Variants in EVC2 observed in about 807,000 individuals in gnomAD.
EVC2 encodes the protein limbin.
A neutral mutation model predicts 149.3 loss-of-function variants in EVC2; 148 were observed. The observed-to-expected ratio is 0.99, with a 90% CI of 0.87 to 1.14. EVC2 has a LOEUF of 1.14. Ranked by LOEUF, EVC2 falls within the 50% of genes most tolerant of loss-of-function variation. EVC2 has a pLI of 0.00. For synonymous variants in EVC2, 776 were observed against 649.9 expected, an observed-to-expected ratio of 1.19 and a Z score of -2.95; for missense variants, 1,854 against 1,627.3, an observed-to-expected ratio of 1.14 and a Z score of -2.40.
At chr4:5,548,174 T>C (rs999606329) in intron 21 of EVC2, among the ~76,000 whole-genome samples, 3 of 152,004 alleles carry the variant, frequency 2.0e-5, no homozygotes, top group African/African-American at 7.2e-5. Flanking sequence ...AGGCTGGTAG[T>C]GTGAGCCAAG....
intron 17 of EVC2, among the ~76,000 whole-genome samples, chr4:5,578,065 A>C (rs1358865379): frequency 6.6e-6 from 1 of 152,204 alleles, no homozygotes; most frequent in African/African-American, 2.4e-5. Flanking sequence ...TCCCACGTTT[A>C]TAATCTGCTG....
rs113251616 is a variant in EVC2 at position 5,666,260 on chromosome 4, T to G, written c.871-611A>C. ...TTGTTCTGCAACCAGAATTCAATCC[T>G]GATTATTGTTTATAGGTTAATCCCA... On this transcript the variant is annotated intron_variant, in intron 7 of 21. Transcript: ENST00000344408. Among the ~76,000 whole-genome samples the G allele has an allele frequency of 7.9e-3, 1,089 of 138,130 alleles. 18 individuals are homozygous for G. Among genetic ancestry groups the G allele is most frequent in the African/African-American group, 0.027 (1,035 of 39,040 alleles). 90.6% of individuals were successfully genotyped at this position (138,130 alleles called of 152,430 possible).
chr4:5,662,514 A>C (rs1345562519), intron 9 of EVC2, among the ~76,000 whole-genome samples: 1 of 141,784 alleles, frequency 7.1e-6, no homozygotes, highest in Non-Finnish European at 1.5e-5. Flanking sequence ...ATTAAATATA[A>C]TATTAATATT....
chr4:5,679,236 C>T lies in EVC2; in HGVS notation c.870+2024G>A, dbSNP rs1206752866. Among the ~76,000 whole-genome samples the T allele has an allele frequency of 6.6e-6, 1 of 151,780 alleles. No homozygotes were observed. Among genetic ancestry groups the T allele is most frequent in the Admixed American group, 6.6e-5 (1 of 15,214 alleles). On this transcript the variant is annotated intron_variant, in intron 7 of 21. Transcript: ENST00000344408. This position sits in a 1 kb window ranked among gnomAD's most constrained non-coding sequence, Gnocchi z 5.1. ...AACACTGTACCCTTAGGCTACACTACATTTATTTATTTATGTTGAGACAGA... is the reference window on the plus strand; with the variant it reads ...AACACTGTACCCTTAGGCTACACTATATTTATTTATTTATGTTGAGACAGA...
intron 7 of EVC2, among the ~76,000 whole-genome samples, chr4:5,666,084 G>T (rs1249520854): frequency 6.6e-6 from 1 of 152,112 alleles, no homozygotes; most frequent in Non-Finnish European, 1.5e-5. Flanking sequence ...ATTAACTTTA[G>T]ATTAAATAAT....
intron 9 of EVC2, among the ~76,000 whole-genome samples, chr4:5,652,619 C>G (rs1718227118): frequency 6.6e-6 from 1 of 152,172 alleles, no homozygotes; most frequent in African/African-American, 2.4e-5. Context: ...GGGCTTGGAG[C>G]TGCTGGTGGA....
At chr4:5,547,949 C>T (rs1036628144) in intron 21 of EVC2, among the ~76,000 whole-genome samples, 2 of 152,124 alleles carry the variant, frequency 1.3e-5, no homozygotes, top group Admixed American at 6.5e-5. Context: ...CGTGTGCCAC[C>T]GCATTCCCCA....
Position 5,618,399 on chromosome 4 carries a change from G to C in EVC2, c.2706+79C>G. On this transcript the variant is annotated intron_variant, in intron 15 of 21. Coordinates refer to ENST00000344408, the MANE Select transcript of EVC2 (RefSeq NM_147127.5). The surrounding 1 kb of genome is among the most constrained non-coding windows in gnomAD (Gnocchi z 4.4). ...TGAGGTGAGATGGGCTCAGGCTGGG[G>C]AAGAGGCCAGACCCTGTAGGGCCAG... 1 of 1,541,242 alleles carries C rather than the reference G, an allele frequency of 6.5e-7. No homozygotes were observed. Among genetic ancestry groups the C allele is most frequent in the Non-Finnish European group, 8.9e-7 (1 of 1,119,098 alleles).
chr4:5,543,546 C>T (rs1721557608), intron 21 of EVC2, among the ~76,000 whole-genome samples: 1 of 152,044 alleles, frequency 6.6e-6, no homozygotes, highest in African/African-American at 2.4e-5. Context: ...AAATACATTA[C>T]AAATAAAAAC....
chr4:5,691,069 G>T (rs1721086717), intron 4 of EVC2, among the ~76,000 whole-genome samples, 196 bp downstream of exon 4: 1 of 152,002 alleles, frequency 6.6e-6, no homozygotes, highest in Non-Finnish European at 1.5e-5. Flanking sequence ...TTATTTAATT[G>T]TAACAAAAAT....
At chr4:5,654,812 G>C (rs1718399623) in intron 9 of EVC2, among the ~76,000 whole-genome samples, 1 of 152,190 alleles carries the variant, frequency 6.6e-6, no homozygotes, top group South Asian at 2.1e-4. Flanking sequence ...AGCAGAACAA[G>C]CAGTTGGGAA....
rs368645876 is a variant in EVC2, at chr4:5,661,369, T to C, written c.1145+1738A>G. On this transcript the variant is annotated intron_variant, in intron 9 of 21. Coordinates refer to ENST00000344408, the MANE Select transcript of EVC2 (RefSeq NM_147127.5). ...ATCCATAATTATGTTGCTAGCCACTTAGAAGAAGATAACATCACCCTCGTC... is the reference window on the plus strand; with the variant it reads ...ATCCATAATTATGTTGCTAGCCACTCAGAAGAAGATAACATCACCCTCGTC... 2.3e-4 allele frequency among the ~76,000 whole-genome samples: 35 copies of C among 152,354 alleles called. No individual in the cohort carries two copies. In the South Asian group the frequency reaches 6.6e-3, roughly 29 times the overall value.
At chr4:5,592,684 C>T (rs1712921554) in intron 16 of EVC2, among the ~76,000 whole-genome samples, 2 of 152,166 alleles carry the variant, frequency 1.3e-5, no homozygotes, top group Non-Finnish European at 2.9e-5. Flanking sequence ...GGCAAAATGG[C>T]AGAGTATAAC....
rs1242057145 is a variant in EVC2, at chr4:5,657,606, T to G, written c.1145+5501A>C. Among the ~76,000 whole-genome samples, 3 of 151,840 alleles carry G rather than the reference T, an allele frequency of 2.0e-5. No homozygotes were observed. Among genetic ancestry groups the G allele is most frequent in the African/African-American group, 7.2e-5 (3 of 41,402 alleles). On this transcript the variant is annotated intron_variant, in intron 9 of 21. Transcript: ENST00000344408. This position sits in a 1 kb window ranked among gnomAD's most constrained non-coding sequence, Gnocchi z 4.7. ...GGCGACTTTCCACCAAGAACACCAT[T>G]GTGTAGAGGCACCTACTGTGCCAGG...
At chr4:5,591,397 C>A (rs1178208881) in intron 16 of EVC2, among the ~76,000 whole-genome samples, 1 of 152,124 alleles carries the variant, frequency 6.6e-6, no homozygotes, top group Non-Finnish European at 1.5e-5. Flanking sequence ...AGAAGTCTTC[C>A]TTATTACATG....
rs1161530763 is a variant in EVC2 at position 5,622,718 on chromosome 4, G to A, written c.2320C>T (p.Gln774Ter). Residue 774 changes from glutamine to a stop codon, truncating the protein, a stop_gained, in exon 14 of 22, where the codon CAG becomes TAG. Coordinates refer to ENST00000344408, the MANE Select transcript of EVC2 (RefSeq NM_147127.5). LOFTEE classifies it high-confidence loss of function. The surrounding 1 kb of genome is among the most constrained non-coding windows in gnomAD (Gnocchi z 5.8). ...LKRGVPWLFLQQILEEHGKEM... is the reference protein window; with the variant it reads ...LKRGVPWLFL ...TTGCCGTGCTCCTCCAGGATCTGCT[G>A]CAGGAAGAGCCAGGGCACCCCACGC... 6.2e-7 allele frequency: 1 copy of A among 1,614,030 alleles called. No homozygotes were observed. The highest frequency in any genetic ancestry group is 2.2e-5 in the East Asian group (1 of 44,850).
chr4:5,708,911 T>G, upstream of EVC2: 1 of 170,398 alleles, frequency 5.9e-6, no homozygotes, highest in Non-Finnish European at 1.2e-5. Context: ...AGTTTCCCCA[T>G]CCCCGCTTAG....
At chr4:5,630,131 G>T (rs1716422912) in intron 11 of EVC2, among the ~76,000 whole-genome samples, 1 of 152,208 alleles carries the variant, frequency 6.6e-6, no homozygotes, top group South Asian at 2.1e-4. Context: ...GCTCACTGAG[G>T]ATTTAGTGGG....
chr4:5,670,346 T>C lies in EVC2; in HGVS notation c.871-4697A>G, dbSNP rs1217574867. ...AAATTCATCATCACCATCACCACAA[T>C]GACTGTCACCACCACCATCACCACC... On this transcript the variant is annotated intron_variant, in intron 7 of 21. Transcript: ENST00000344408. The surrounding 1 kb of genome is among the most constrained non-coding windows in gnomAD (Gnocchi z 5.2). Among the ~76,000 whole-genome samples, 2 of 151,934 alleles carry C rather than the reference T, an allele frequency of 1.3e-5. No individual in the cohort carries two copies. The highest frequency in any genetic ancestry group is 1.3e-4 in the Admixed American group (2 of 15,238).
Sources: gnomAD v4.1 joint callset for allele counts (sites outside exome capture counted in the v4.1 genomes callset) on GRCh38, gnomAD v4.1.1 for gene constraint, Gnocchi (gnomAD v3.1) non-coding constraint, MANE v1.5 for transcripts, NCBI Gene and HGNC (gene_info 2026-07-23, HGNC 2026-07-21) for gene names.